Variants in CRADD observed in about 807,000 individuals in gnomAD.
CRADD encodes death domain-containing protein CRADD.
A neutral mutation model predicts 15.5 loss-of-function variants in CRADD; 9 were observed. The observed-to-expected ratio is 0.58, with a 90% CI of 0.35 to 1.01. The LOEUF is 1.01. Ranked by LOEUF, CRADD falls within the 50% of genes least tolerant of loss-of-function variation. CRADD has a pLI of 0.02. For missense variants in CRADD, 227 were observed against 250.3 expected, an observed-to-expected ratio of 0.91 and a Z score of 0.63; for synonymous variants, 118 against 107.6, an observed-to-expected ratio of 1.10 and a Z score of -0.60.
chr12:93,758,281 A>G (rs1194380673), intron 2 of CRADD, among the ~76,000 whole-genome samples: 2 of 152,210 alleles, frequency 1.3e-5, no homozygotes, highest in Non-Finnish European at 2.9e-5. Flanking sequence ...ATGTTTAACA[A>G]TGAGCATGAG....
intron 2 of CRADD, among the ~76,000 whole-genome samples, chr12:93,764,943 G>A (rs903175): frequency 0.57 from 85,744 of 151,306 alleles, 25,209 homozygotes; most frequent in East Asian, 0.89. Context: ...ATTATTTGGG[G>A]AAAAAAATCC....
At chr12:93,782,301 A>G (rs1957219245) in intron 2 of CRADD, among the ~76,000 whole-genome samples, 1 of 136,756 alleles carries the variant, frequency 7.3e-6, no homozygotes, top group African/African-American at 2.7e-5. Flanking sequence ...ATGAGAACAC[A>G]TGGACACAGG....
intron 2 of CRADD, among the ~76,000 whole-genome samples, chr12:93,893,712 C>G (rs1958592612): frequency 6.6e-6 from 1 of 152,036 alleles, no homozygotes; most frequent in Non-Finnish European, 1.5e-5. Flanking sequence ...TCAGGACCAG[C>G]CTGGCCAACA....
At chr12:93,688,924 G>A (rs564526043) in intron 2 of CRADD, among the ~76,000 whole-genome samples, 13 of 152,252 alleles carry the variant, frequency 8.5e-5, no homozygotes, top group African/African-American at 3.1e-4. Flanking sequence ...AGCCTCAGGA[G>A]GCTTTCTCTT....
intron 2 of CRADD, among the ~76,000 whole-genome samples, chr12:93,879,759 C>T (rs1346740543): frequency 6.6e-6 from 1 of 152,212 alleles, no homozygotes; most frequent in Non-Finnish European, 1.5e-5. Context: ...TCTCCCGCGA[C>T]TGATCCTTTA....
chr12:93,817,688 G>T (rs1311962178), intron 2 of CRADD, among the ~76,000 whole-genome samples: 1 of 151,868 alleles, frequency 6.6e-6, no homozygotes, highest in Non-Finnish European at 1.5e-5. Context: ...GCAGGTTGGG[G>T]CCTTCGAATC....
chr12:93,718,764 C>CT (rs930413047), intron 2 of CRADD, among the ~76,000 whole-genome samples: 5,349 of 144,168 alleles, frequency 0.037, 100 homozygotes, highest in Middle Eastern at 0.058. Flanking sequence ...AATTTTCTCT[C>CT]TTTTTTTTTT....
At chr12:93,804,995 A>G (rs1167742946) in intron 2 of CRADD, among the ~76,000 whole-genome samples, 3 of 152,152 alleles carry the variant, frequency 2.0e-5, no homozygotes, top group Admixed American at 6.6e-5. Flanking sequence ...GCCGAGTATA[A>G]TAGCTACTGC....
chr12:93,739,698 T>A (rs1956639768), intron 2 of CRADD, among the ~76,000 whole-genome samples: 2 of 152,156 alleles, frequency 1.3e-5, no homozygotes, highest in African/African-American at 4.8e-5. Flanking sequence ...ATCTTGGACA[T>A]AGTCTTCTGT....
intron 2 of CRADD, among the ~76,000 whole-genome samples, chr12:93,857,488 G>A (rs1958284863): frequency 6.6e-6 from 1 of 152,184 alleles, no homozygotes; most frequent in African/African-American, 2.4e-5. Context: ...TGGTGCTCCT[G>A]GTGTGTGCCC....
At chr12:93,685,552 T>C (rs1367763098) in intron 2 of CRADD, among the ~76,000 whole-genome samples, 2 of 152,206 alleles carry the variant, frequency 1.3e-5, no homozygotes, top group Non-Finnish European at 2.9e-5. Context: ...CCCATAAATA[T>C]ATACAATTTT....
chr12:93,894,334 T>G, exon 3 of CRADD: 1 of 575,036 alleles, frequency 1.7e-6, no homozygotes, highest in Non-Finnish European at 3.1e-6. Context: ...CTGCTAAACC[T>G]ACAATGCTCA....
At chr12:93,709,579 CA>C (rs1956023708) in intron 2 of CRADD, among the ~76,000 whole-genome samples, 2 of 152,332 alleles carry the variant, frequency 1.3e-5, no homozygotes, top group African/African-American at 2.4e-5. Context: ...CATATTCCCA[CA>C]AAAGACATGA....
In CRADD at chr12:93,875,738, G is replaced by T. The variant is rs1049172139; in HGVS notation, c.299-18312G>T. Among the ~76,000 whole-genome samples the T allele has an allele frequency of 3.3e-5, 5 of 152,008 alleles. No individual in the cohort carries two copies. In the East Asian group the frequency reaches 9.7e-4, roughly 29 times the overall value. On this transcript the variant is annotated intron_variant, in intron 2 of 2. Transcript: ENST00000548483. ...TCCCCTTGCTTTTTAACTTTTTGTTGTTCTATTTATATCTTATTGTACTGA... is the reference window on the plus strand; with the variant it reads ...TCCCCTTGCTTTTTAACTTTTTGTTTTTCTATTTATATCTTATTGTACTGA...
At chr12:93,773,813 G>GTTTTTTTTTTTTTTTTTTTTTT (rs3030268) in intron 2 of CRADD, among the ~76,000 whole-genome samples, 1 of 87,550 alleles carries the variant, frequency 1.1e-5, no homozygotes, top group Non-Finnish European at 2.0e-5. Flanking sequence ...TACTTTGTGA[G>GTTTTTTTTTTTTTTTTTTTTTT]TTTTTTTTTT....
At chr12:93,759,432 A>G (rs1371527430) in intron 2 of CRADD, among the ~76,000 whole-genome samples, 1 of 152,186 alleles carries the variant, frequency 6.6e-6, no homozygotes, top group South Asian at 2.1e-4. Context: ...AGGAAAAAAA[A>G]AATCTTCTCT....
intron 2 of CRADD, among the ~76,000 whole-genome samples, chr12:93,694,832 G>A (rs573127084): frequency 6.6e-6 from 1 of 152,230 alleles, no homozygotes; most frequent in East Asian, 1.9e-4. Context: ...TAAATGGGAG[G>A]AAACCTCATG....
At chr12:93,741,951 C>G (rs1199420882) in intron 2 of CRADD, among the ~76,000 whole-genome samples, 1 of 152,190 alleles carries the variant, frequency 6.6e-6, no homozygotes, top group East Asian at 1.9e-4. Context: ...CGCGTCTCCT[C>G]TACACGCCAT....
At chr12:93,683,742 T>G (rs1955370746) in intron 2 of CRADD, among the ~76,000 whole-genome samples, 1 of 152,260 alleles carries the variant, frequency 6.6e-6, no homozygotes, top group Admixed American at 6.5e-5. Context: ...CATACTTGGA[T>G]GCATCTAAAG....
Sources: gnomAD v4.1 joint callset for allele counts (sites outside exome capture counted in the v4.1 genomes callset) on GRCh38, gnomAD v4.1.1 for gene constraint, MANE v1.5 for transcripts, NCBI Gene and HGNC (gene_info 2026-07-23, HGNC 2026-07-21) for gene names.